CSMD2: variants seen among roughly 807,000 people sequenced by gnomAD.
CSMD2 encodes CUB and sushi domain-containing protein 2.
A neutral mutation model predicts 398.5 loss-of-function variants in CSMD2; 130 were observed. The ratio of observed to expected loss-of-function variants is 0.33; its 90% CI spans 0.28 to 0.38. The LOEUF (loss-of-function observed/expected upper bound fraction) is 0.38. Among genes scored for constraint, CSMD2 ranks in the 10% least tolerant of loss-of-function variants. The probability of loss-of-function intolerance (pLI) is 1.00; values close to 1 mark genes in which losing one functional copy is unlikely to be tolerated. For missense variants in CSMD2, 3,829 were observed against 4,764.9 expected, an observed-to-expected ratio of 0.80 and a Z score of 5.78; for synonymous variants, 1,828 against 1,908.5, an observed-to-expected ratio of 0.96 and a Z score of 1.10.
intron 9 of CSMD2, among the ~76,000 whole-genome samples, chr1:33,815,012 A>G (rs1657294240): frequency 6.6e-6 from 1 of 151,964 alleles, no homozygotes; most frequent in Non-Finnish European, 1.5e-5. Flanking sequence ...CCTGCTTTCC[A>G]TCAATTCTAC....
At chr1:33,643,524 T>C (rs1643232443) in intron 29 of CSMD2, among the ~76,000 whole-genome samples, 1 of 152,208 alleles carries the variant, frequency 6.6e-6, no homozygotes, top group Non-Finnish European at 1.5e-5. Flanking sequence ...CACTGGGCAC[T>C]CTGCTTGATG....
chr1:33,583,779 C>A lies in CSMD2; in HGVS notation c.7103G>T (p.Ser2368Ile), dbSNP rs1250801648. 6.2e-7 allele frequency: 1 copy of A among 1,614,176 alleles called. No homozygotes were observed. The highest frequency in any genetic ancestry group is 8.5e-7 in the Non-Finnish European group (1 of 1,180,038). Residue 2368 changes from serine to isoleucine, a missense_variant, in exon 47 of 71, where the codon AGC (serine) becomes ATC (isoleucine). Ser to Ile is a moderately radical substitution (Grantham distance 142). Around this residue, in one of 5 missense-constraint regions of CSMD2, gnomAD observed 723 missense variants for 758.6 expected, o/e 0.95. Coordinates refer to ENST00000373381, the MANE Select transcript of CSMD2 (RefSeq NM_001281956.2). The stretch of plus-strand genomic sequence containing the variant: ...GGGATAGCTTCCAGGGTAGCTCTGG[C>A]TCAGGATCACGCCTGTGGAGTCTGT... ...LLTDSTGVIL[S>I]QSYPGSYPQF... is the part of the protein sequence containing the mutation.
At chr1:33,930,970 G>T (rs1421557698) in intron 4 of CSMD2, among the ~76,000 whole-genome samples, 1 of 152,186 alleles carries the variant, frequency 6.6e-6, no homozygotes, top group African/African-American at 2.4e-5. Context: ...CTGGGCACAT[G>T]ACATTTCCTA....
intron 6 of CSMD2, among the ~76,000 whole-genome samples, chr1:33,844,721 G>T (rs1470493597): frequency 6.6e-6 from 1 of 152,168 alleles, no homozygotes; most frequent in East Asian, 1.9e-4. Context: ...AAATGGGACG[G>T]GTAATAGTAT....
chr1:33,527,733 T>G (rs1391414504), intron 64 of CSMD2, among the ~76,000 whole-genome samples: 1 of 152,070 alleles, frequency 6.6e-6, no homozygotes, highest in Non-Finnish European at 1.5e-5. Context: ...CATTCCAAAT[T>G]AAAGGAGAGG....
intron 3 of CSMD2, among the ~76,000 whole-genome samples, chr1:34,016,617 T>G (rs1648150822): frequency 6.6e-6 from 1 of 152,222 alleles, no homozygotes; most frequent in Non-Finnish European, 1.5e-5. Context: ...CAAAGGATTA[T>G]AAATCATTCT....
rs2148564575 is a variant in CSMD2 at position 33,533,282 on chromosome 1, G to A, written c.9992-53C>T. Reference sequence around the variant, plus strand: ...CTGGAGGAGATTAGGGGCTTCAGGGGCCCTTTCGACCATTCCCCTGTTCCT... The same window carrying A: ...CTGGAGGAGATTAGGGGCTTCAGGGACCCTTTCGACCATTCCCCTGTTCCT... On this transcript the variant is annotated intron_variant, in intron 63 of 70. Transcript: ENST00000373381. This position sits in a 1 kb window ranked among gnomAD's most constrained non-coding sequence, Gnocchi z 4.2. The A allele has an allele frequency of 6.5e-7, 1 of 1,527,830 alleles. No homozygotes were observed. The highest frequency in any genetic ancestry group is 9.0e-7 in the Non-Finnish European group (1 of 1,113,440). The allele number at this position is 1,527,830 out of a possible 1,614,324, so 94.6% of individuals were successfully genotyped here.
intron 1 of CSMD2, among the ~76,000 whole-genome samples, chr1:34,160,139 C>G (rs143534328): frequency 6.6e-6 from 1 of 152,124 alleles, no homozygotes; most frequent in Non-Finnish European, 1.5e-5. Flanking sequence ...TGGGCTCTGC[C>G]GGAGAAACCC....
At chr1:33,789,112 A>G (rs1569944928) in intron 11 of CSMD2, among the ~76,000 whole-genome samples, 1 of 151,276 alleles carries the variant, frequency 6.6e-6, no homozygotes, top group South Asian at 2.1e-4. Context: ...CGCCACCCCC[A>G]CCTCCTTGCT....
intron 44 of CSMD2, chr1:33,592,393 T>C (rs1639520970): frequency 2.8e-6 from 2 of 715,666 alleles, no homozygotes; most frequent in Admixed American, 4.0e-5. Context: ...CCTGCTGCAG[T>C]CAGCTCAGGT....
chr1:33,652,480 G>C lies in CSMD2; in HGVS notation c.4448-19C>G. On this transcript the variant is annotated intron_variant, in intron 27 of 70. Coordinates refer to ENST00000373381, the MANE Select transcript of CSMD2 (RefSeq NM_001281956.2). ...CAGGGAGCTGAGGAGAGAAGAAGAC[G>C]AGGGTGAGGCTGCCTCTTCACCCTG... The C allele has an allele frequency of 6.2e-7, 1 of 1,612,412 alleles. No homozygotes were observed. Among genetic ancestry groups the C allele is most frequent in the Non-Finnish European group, 8.5e-7 (1 of 1,178,680 alleles).
At position 33,748,398 on chromosome 1, in the gene CSMD2, T is replaced by C. The variant is rs146459272; in HGVS notation, c.1847-4792A>G. On this transcript the variant is annotated intron_variant, in intron 13 of 70. Transcript: ENST00000373381. ...CAGAGTAGTGACCAGACTGTGCTCA[T>C]GGATCTTGATGTCGACTAAACTTTT... Among the ~76,000 whole-genome samples, 566 of 152,308 alleles carry C rather than the reference T, an allele frequency of 3.7e-3. 7 individuals carry two copies. The highest frequency in any genetic ancestry group is 0.013 in the African/African-American group (539 of 41,574).
chr1:33,587,914 G>A (rs1260989391), intron 44 of CSMD2, among the ~76,000 whole-genome samples: 1 of 152,172 alleles, frequency 6.6e-6, no homozygotes, highest in African/African-American at 2.4e-5. Context: ...CACTGCTGCT[G>A]TTATCGTTAC....
At chr1:33,779,780 T>C (rs1281178672) in intron 12 of CSMD2, among the ~76,000 whole-genome samples, 2 of 152,228 alleles carry the variant, frequency 1.3e-5, no homozygotes, top group Admixed American at 6.5e-5. Flanking sequence ...TTTGGGCGTG[T>C]GTTTCCCACT....
chr1:34,054,723 G>A (rs1653624085), intron 2 of CSMD2, among the ~76,000 whole-genome samples: 1 of 152,138 alleles, frequency 6.6e-6, no homozygotes, highest in Non-Finnish European at 1.5e-5. Context: ...CTGGGCGACA[G>A]AGCGAGACTC....
intron 12 of CSMD2, among the ~76,000 whole-genome samples, chr1:33,785,880 T>C (rs12133088): frequency 0.14 from 21,363 of 152,256 alleles, 1,681 homozygotes; most frequent in Non-Finnish European, 0.18. Context: ...TTCAGATATC[T>C]GGACACAGCT....
At chr1:33,752,196 G>T (rs964904917) in intron 13 of CSMD2, among the ~76,000 whole-genome samples, 1 of 152,114 alleles carries the variant, frequency 6.6e-6, no homozygotes, top group Non-Finnish European at 1.5e-5. Context: ...ATATAGTTTG[G>T]TTTTTTGTCT....
chr1:33,694,546 G>A (rs908537633), intron 24 of CSMD2, among the ~76,000 whole-genome samples: 33 of 152,160 alleles, frequency 2.2e-4, no homozygotes, highest in African/African-American at 7.5e-4. Flanking sequence ...AACTTATGAA[G>A]TTCCTCCTTC....
In CSMD2 at chr1:33,970,048, G is replaced by A. The variant is rs193252338; in HGVS notation, c.518-34094C>T. On this transcript the variant is annotated intron_variant, in intron 3 of 70. Transcript: ENST00000373381. ...TTGAACCTGGGAGGCGGAGGTTGCAGTAAGCCGAGATCACGCCATTGCACT... is the reference window on the plus strand; with the variant it reads ...TTGAACCTGGGAGGCGGAGGTTGCAATAAGCCGAGATCACGCCATTGCACT... 7.3e-4 allele frequency among the ~76,000 whole-genome samples: 110 copies of A among 151,048 alleles called. 2 individuals are homozygous for A. The highest frequency in any genetic ancestry group is 2.7e-3 in the African/African-American group (109 of 41,066).
Sources: allele counts gnomAD v4.1 joint callset (sites outside exome capture counted in the v4.1 genomes callset), GRCh38; gene constraint gnomAD v4.1.1; regional missense constraint gnomAD v4.1.1; non-coding constraint Gnocchi (gnomAD v3.1); transcripts MANE v1.5; gene names NCBI Gene and HGNC (gene_info 2026-07-23, HGNC 2026-07-21).